Variants in ARHGEF4 observed in about 807,000 individuals in gnomAD.
ARHGEF4 encodes APC-stimulated guanine nucleotide exchange factor 1.
ARHGEF4 carries 119 observed loss-of-function variants against 162.0 expected under a neutral mutation model. The observed-to-expected ratio is 0.73, with a 90% CI of 0.63 to 0.86. The LOEUF is 0.86. ARHGEF4 is among the 40% of genes least tolerant of loss of function. ARHGEF4 has a pLI of 0.00. For synonymous variants in ARHGEF4, 1,014 were observed against 979.9 expected, an observed-to-expected ratio of 1.03 and a Z score of -0.65; for missense variants, 2,488 against 2,456.0, an observed-to-expected ratio of 1.01 and a Z score of -0.28.
intron 3 of ARHGEF4, among the ~76,000 whole-genome samples, chr2:130,931,717 T>A (rs1348938201): frequency 6.6e-6 from 1 of 152,262 alleles, no homozygotes; most frequent in Non-Finnish European, 1.5e-5. Flanking sequence ...TAGGACACTT[T>A]GACAACATGA....
chr2:130,913,762 G>A lies in ARHGEF4; in HGVS notation c.40-224G>A, dbSNP rs76360826. On this transcript the variant is annotated intron_variant, in intron 1 of 13. Coordinates refer to ENST00000409359, the MANE Select transcript of ARHGEF4 (RefSeq NM_001367493.1). ...CTGATTTTTAATGGGGTTGTTTTAA[G>A]GATGTGCTGCCTTTTCTCCCTACTG... Among the ~76,000 whole-genome samples the A allele has an allele frequency of 3.0e-4, 46 of 152,326 alleles. No individual in the cohort carries two copies. The East Asian group carries it at 8.9e-3, about 29-fold the overall frequency.
Position 130,915,060 on chromosome 2 carries a change from G to A in ARHGEF4, c.1114G>A (p.Asp372Asn). The A allele has an allele frequency of 4.5e-6, 7 of 1,550,696 alleles. No individual in the cohort carries two copies. The highest frequency in any genetic ancestry group is 3.6e-5 in the South Asian group (3 of 84,064). The change falls in exon 2 of 14, where the codon GAT becomes AAT. Residue 372 changes from aspartate to asparagine, a missense_variant. Coordinates refer to ENST00000409359, the MANE Select transcript of ARHGEF4 (RefSeq NM_001367493.1). The stretch of plus-strand genomic sequence containing the variant: ...GAAGGAAGGGGCCAAAAATGAACGA[G>A]ATCCAAGAATACAAAACATCCCTTC... The part of the protein sequence containing the change: ...HVKEGAKNER[D>N]PRIQNIPSPA...
intron 4 of ARHGEF4, among the ~76,000 whole-genome samples, chr2:130,992,827 T>C (rs1042798105): frequency 6.6e-6 from 1 of 152,202 alleles, no homozygotes; most frequent in Non-Finnish European, 1.5e-5. Context: ...ATCACACCTG[T>C]AATCCCAGCA....
At chr2:130,924,861 C>T (rs35408173) in intron 2 of ARHGEF4, among the ~76,000 whole-genome samples, 11,382 of 152,204 alleles carry the variant, frequency 0.075, 484 homozygotes, top group Non-Finnish European at 0.1. Context: ...GTTAAGACCA[C>T]ACTGAGACCC....
In ARHGEF4 at chr2:131,041,164, C is replaced by G. The variant is rs2241460; in HGVS notation, c.4663-66C>G. On this transcript the variant is annotated intron_variant, in intron 8 of 13. Transcript: ENST00000409359. ...AATGTAGAGGCTCTTGCCCTTCCCA[C>G]ACATGCAGCTGGATTGCCTGTGGGA... 170,994 of 1,479,090 alleles carry G rather than the reference C, an allele frequency of 0.12. 15,013 individuals carry two copies. The highest frequency in any genetic ancestry group is 0.42 in the African/African-American group (30,554 of 72,082). 91.6% of individuals were successfully genotyped at this position (1,479,090 alleles called of 1,614,324 possible).
intron 4 of ARHGEF4, among the ~76,000 whole-genome samples, chr2:131,014,275 C>T (rs533846280): frequency 4.6e-5 from 7 of 152,318 alleles, no homozygotes; most frequent in African/African-American, 1.7e-4. Flanking sequence ...GTTCACATCC[C>T]TGGCATTTCA....
intron 4 of ARHGEF4, 151 bp downstream of exon 4, chr2:130,946,786 G>A (rs536949175): frequency 1.8e-6 from 2 of 1,094,160 alleles, no homozygotes; most frequent in African/African-American, 1.6e-5. Context: ...TTCAGTTAGG[G>A]AGGAGTGCCT....
intron 11 of ARHGEF4, 140 bp from the exon 12 acceptor site, chr2:131,044,159 C>T: frequency 7.9e-7 from 1 of 1,272,294 alleles, no homozygotes. Flanking sequence ...GCATGCTCTG[C>T]CCTCAGGATC....
chr2:130,894,014 G>T (rs1574176693), intron 1 of ARHGEF4, among the ~76,000 whole-genome samples: 1 of 152,212 alleles, frequency 6.6e-6, no homozygotes, highest in African/African-American at 2.4e-5. Flanking sequence ...AAGGAGATGG[G>T]CCAGCCGTCG....
chr2:130,978,751 CAAAA>C (rs879858758), intron 4 of ARHGEF4, among the ~76,000 whole-genome samples: 1 of 123,174 alleles, frequency 8.1e-6, no homozygotes, highest in African/African-American at 3.0e-5. Context: ...TAAATAGCTC[CAAAA>C]AAAAAAAAAT....
chr2:130,873,935 T>C (rs865892703), intron 1 of ARHGEF4, among the ~76,000 whole-genome samples: 1 of 152,166 alleles, frequency 6.6e-6, no homozygotes, highest in Admixed American at 6.5e-5. Context: ...CCTGGGTTGA[T>C]GAAAGCCCTG....
At chr2:131,036,794 G>A (rs920406255) in intron 5 of ARHGEF4, among the ~76,000 whole-genome samples, 8 of 152,204 alleles carry the variant, frequency 5.3e-5, no homozygotes, top group African/African-American at 1.7e-4. Flanking sequence ...CTGACAGCCT[G>A]TGTCACAGAC....
At chr2:130,990,001 G>A (rs1686836827) in intron 4 of ARHGEF4, among the ~76,000 whole-genome samples, 1 of 152,240 alleles carries the variant, frequency 6.6e-6, no homozygotes, top group Non-Finnish European at 1.5e-5. Context: ...TGATGGTTAT[G>A]ATGTAAGGCT....
chr2:131,016,766 A>C (rs1023489518), intron 4 of ARHGEF4, among the ~76,000 whole-genome samples: 4 of 152,184 alleles, frequency 2.6e-5, no homozygotes, highest in African/African-American at 9.7e-5. Context: ...CATCTCTACC[A>C]AGTTCCCTAA....
chr2:130,913,708 T>C (rs913041102), intron 1 of ARHGEF4, among the ~76,000 whole-genome samples: 12 of 152,264 alleles, frequency 7.9e-5, no homozygotes, highest in South Asian at 2.1e-4. Context: ...TTTATACTTA[T>C]GTAAACGCAC....
chr2:130,990,231 T>C (rs187581887), intron 4 of ARHGEF4, among the ~76,000 whole-genome samples: 23 of 152,328 alleles, frequency 1.5e-4, no homozygotes, highest in Admixed American at 1.5e-3. Context: ...TCTTTTTAAA[T>C]CTCTGTAGCT....
chr2:130,998,900 C>G (rs1030500576), intron 4 of ARHGEF4, among the ~76,000 whole-genome samples: 3 of 152,200 alleles, frequency 2.0e-5, no homozygotes, highest in African/African-American at 7.2e-5. Context: ...AACTGTGTTC[C>G]AAAGTGGCTG....
intron 4 of ARHGEF4, among the ~76,000 whole-genome samples, chr2:131,006,636 A>G (rs981471549): frequency 2.6e-5 from 4 of 152,252 alleles, no homozygotes; most frequent in African/African-American, 9.6e-5. Context: ...CTTCCAGAGT[A>G]GAATCTTAGC....
chr2:130,918,828 G>A (rs752889888), intron 2 of ARHGEF4, among the ~76,000 whole-genome samples: 3 of 152,162 alleles, frequency 2.0e-5, no homozygotes, highest in Non-Finnish European at 2.9e-5. Flanking sequence ...GTTTTTTGTT[G>A]TTTTGGGGGG....
Sources: gnomAD v4.1 joint callset for allele counts (sites outside exome capture counted in the v4.1 genomes callset) on GRCh38, gnomAD v4.1.1 for gene constraint, MANE v1.5 for transcripts, NCBI Gene and HGNC (gene_info 2026-07-23, HGNC 2026-07-21) for gene names.